Variants in ASIC2 observed in about 807,000 individuals in gnomAD.
ASIC2 encodes acid-sensing ion channel 2.
A neutral mutation model predicts 57.3 loss-of-function variants in ASIC2; 25 were observed. The ratio of observed to expected loss-of-function variants is 0.44; its 90% confidence interval spans 0.32 to 0.61. The LOEUF (loss-of-function observed/expected upper bound fraction) is 0.61. Among genes scored for constraint, ASIC2 ranks in the 20% least tolerant of loss-of-function variants. The pLI is 0.06. For missense variants in ASIC2, 641 were observed against 738.1 expected (o/e 0.87, Z 1.52); for synonymous variants, 319 against 307.5 (o/e 1.04, Z -0.39).
At chr17:34,053,218 C>T (rs1283553828) in intron 1 of ASIC2, among the ~76,000 whole-genome samples, 2 of 152,126 alleles carry the variant, frequency 1.3e-5, no homozygotes, top group African/African-American at 4.8e-5. Context: ...CTCAGGCTGG[C>T]GGCTCCATTG....
At chr17:33,346,652 C>T (rs953139565) in intron 1 of ASIC2, among the ~76,000 whole-genome samples, 2 of 152,086 alleles carry the variant, frequency 1.3e-5, no homozygotes, top group African/African-American at 4.8e-5. Context: ...AAGCAGGCCA[C>T]TGGATATTTG....
At chr17:33,336,794 G>C (rs1345745907) in intron 1 of ASIC2, among the ~76,000 whole-genome samples, 1 of 152,078 alleles carries the variant, frequency 6.6e-6, no homozygotes, top group Non-Finnish European at 1.5e-5. Flanking sequence ...GCCCACTTTT[G>C]ATTATAGCTT....
intron 1 of ASIC2, among the ~76,000 whole-genome samples, chr17:34,148,707 A>G (rs1394150667): frequency 1.3e-5 from 2 of 152,184 alleles, no homozygotes; most frequent in African/African-American, 4.8e-5. Context: ...CTTTGTGTAA[A>G]GGAACACATC....
chr17:33,237,496 A>G (rs1359141221), intron 1 of ASIC2, among the ~76,000 whole-genome samples: 3 of 152,102 alleles, frequency 2.0e-5, no homozygotes, highest in African/African-American at 7.2e-5. Flanking sequence ...GATTACAGGC[A>G]TACACCACAA....
intron 1 of ASIC2, among the ~76,000 whole-genome samples, chr17:34,056,370 T>A (rs770934247): frequency 3.3e-5 from 5 of 152,140 alleles, no homozygotes; most frequent in African/African-American, 4.8e-5. Context: ...TACCTCAACA[T>A]CTTGTGGAGG....
At chr17:33,999,356 C>T (rs1265861553) in intron 1 of ASIC2, among the ~76,000 whole-genome samples, 1 of 152,126 alleles carries the variant, frequency 6.6e-6, no homozygotes, top group Non-Finnish European at 1.5e-5. Flanking sequence ...AATCCATTTA[C>T]ACAAAGTAAT....
intron 1 of ASIC2, among the ~76,000 whole-genome samples, chr17:33,806,315 A>G (rs1486034580): frequency 6.6e-6 from 1 of 152,266 alleles, no homozygotes; most frequent in African/African-American, 2.4e-5. Context: ...GAATACTTAA[A>G]TTTGAATTTT....
At chr17:33,719,997 T>C (rs60474913) in intron 1 of ASIC2, among the ~76,000 whole-genome samples, 3,118 of 152,304 alleles carry the variant, frequency 0.02, 100 homozygotes, top group African/African-American at 0.071. Flanking sequence ...TACTCTTGCC[T>C]CAGCCCCTGA....
chr17:33,284,238 T>C (rs923719762), intron 1 of ASIC2, among the ~76,000 whole-genome samples: 1 of 152,244 alleles, frequency 6.6e-6, no homozygotes, highest in Admixed American at 6.5e-5. Context: ...GTTCCAATTA[T>C]GAGTGAGTCA....
At chr17:33,546,501 G>C (rs557033511) in intron 1 of ASIC2, among the ~76,000 whole-genome samples, 1 of 152,300 alleles carries the variant, frequency 6.6e-6, no homozygotes, top group African/African-American at 2.4e-5. Context: ...TCAGGCAATA[G>C]TGAGACAAAG....
At chr17:33,689,554 C>T (rs1474583737) in intron 1 of ASIC2, among the ~76,000 whole-genome samples, 3 of 151,720 alleles carry the variant, frequency 2.0e-5, no homozygotes, top group African/African-American at 7.3e-5. Context: ...CTGGAGGCAA[C>T]CAATCTGTAC....
chr17:34,066,418 G>A (rs554978766), intron 1 of ASIC2, among the ~76,000 whole-genome samples: 87 of 152,212 alleles, frequency 5.7e-4, no homozygotes, highest in African/African-American at 2.1e-3. Context: ...CTCTTGGGGT[G>A]GGTCCTCAGC....
intron 3 of ASIC2, among the ~76,000 whole-genome samples, chr17:33,074,889 C>T (rs2092083308): frequency 6.6e-6 from 1 of 152,066 alleles, no homozygotes; most frequent in African/African-American, 2.4e-5. Context: ...TGATGGTGAG[C>T]GTGGTGGCTC....
At chr17:33,816,461 C>T (rs1912585405) in intron 1 of ASIC2, among the ~76,000 whole-genome samples, 1 of 152,128 alleles carries the variant, frequency 6.6e-6, no homozygotes, top group East Asian at 1.9e-4. Flanking sequence ...TCTCATTTGA[C>T]AGATGAGGCA....
chr17:33,817,967 C>T (rs534604705), intron 1 of ASIC2, among the ~76,000 whole-genome samples: 38 of 152,222 alleles, frequency 2.5e-4, no homozygotes, highest in African/African-American at 8.7e-4. Context: ...TTCGGGGTAC[C>T]ACATTTCTTG....
chr17:33,241,589 C>T (rs928904464), intron 1 of ASIC2, among the ~76,000 whole-genome samples: 6 of 152,204 alleles, frequency 3.9e-5, no homozygotes, highest in African/African-American at 1.4e-4. Context: ...GCCTATATCC[C>T]ATTTTATCTT....
chr17:33,387,761 C>T (rs895045975), intron 1 of ASIC2, among the ~76,000 whole-genome samples: 11 of 152,164 alleles, frequency 7.2e-5, no homozygotes, highest in Non-Finnish European at 1.3e-4. Flanking sequence ...GTTAACAATA[C>T]TTTATTGTAT....
intron 1 of ASIC2, among the ~76,000 whole-genome samples, chr17:34,010,298 C>T (rs1906664998): frequency 6.6e-6 from 1 of 152,094 alleles, no homozygotes; most frequent in South Asian, 2.1e-4. Flanking sequence ...TGATATAACC[C>T]AAATGAGCAC....
chr17:33,719,316 G>A (rs1013696272), intron 1 of ASIC2, among the ~76,000 whole-genome samples: 13 of 152,266 alleles, frequency 8.5e-5, no homozygotes, highest in Admixed American at 2.6e-4. Flanking sequence ...AGAGCCTGGT[G>A]AGCCAGGACC....
Sources: allele counts gnomAD v4.1 joint callset (sites outside exome capture counted in the v4.1 genomes callset), GRCh38; gene constraint gnomAD v4.1.1; transcripts MANE v1.5; gene names NCBI Gene and HGNC (gene_info 2026-07-23, HGNC 2026-07-21).